Variants in THSD4 observed in about 807,000 individuals in gnomAD.
THSD4 encodes thrombospondin type-1 domain-containing protein 4.
Under a neutral mutation model 119.0 loss-of-function variants are expected in THSD4, and 69 were observed. The observed-to-expected ratio is 0.58, with a 90% CI of 0.48 to 0.71. The LOEUF is 0.71. Ranked by LOEUF, THSD4 falls within the 30% of genes least tolerant of loss-of-function variation. The pLI is 0.00. For missense variants in THSD4, 1,393 were observed against 1,391.1 expected (o/e 1.00, Z -0.02); for synonymous variants, 524 against 540.4 (o/e 0.97, Z 0.42).
rs1441618947 is a variant in THSD4 at position 71,781,234 on chromosome 15, A to G, written c.*3860A>G. 1 of 157,860 alleles carries G rather than the reference A, an allele frequency of 6.3e-6. No homozygotes were observed. Among genetic ancestry groups the G allele is most frequent in the African/African-American group, 2.4e-5 (1 of 41,708 alleles). The allele number at this position is 157,860 out of a possible 1,614,324, so 9.8% of individuals were successfully genotyped here. On this transcript the variant is annotated 3_prime_UTR_variant, in exon 18 of 18. Coordinates refer to ENST00000261862, the MANE Select transcript of THSD4 (RefSeq NM_024817.3). ...CGTGCTGGATCCAAAAAGATCAGGGAGACTAGAATAAAACTTGGATGTTAA... is the reference window on the plus strand; with the variant it reads ...CGTGCTGGATCCAAAAAGATCAGGGGGACTAGAATAAAACTTGGATGTTAA...
At chr15:71,385,174 TA>T (rs574112886) in intron 6 of THSD4, among the ~76,000 whole-genome samples, 148 of 151,528 alleles carry the variant, frequency 9.8e-4, no homozygotes, top group Non-Finnish European at 1.6e-3. Flanking sequence ...CCAATTCAGT[TA>T]AAAAAAAATT....
At chr15:71,594,836 A>T (rs2049877586) in intron 7 of THSD4, among the ~76,000 whole-genome samples, 1 of 152,202 alleles carries the variant, frequency 6.6e-6, no homozygotes, top group Non-Finnish European at 1.5e-5. Context: ...AGTATATTTT[A>T]TGCATGAGGG....
rs775688069 is a variant in THSD4 at position 71,384,861 on chromosome 15, C to G, written c.1016-26826C>G. 3.3e-5 allele frequency among the ~76,000 whole-genome samples: 5 copies of G among 152,282 alleles called. No individual in the cohort carries two copies. The South Asian group carries it at 1.0e-3, about 32-fold the overall frequency. ...AAGAAAGTGGAGTACTCAATTCTTC[C>G]AAAGTTAAGGATCCCATTTTTATGT... On this transcript the variant is annotated intron_variant, in intron 6 of 17. Transcript: ENST00000261862.
intron 6 of THSD4, among the ~76,000 whole-genome samples, chr15:71,325,340 T>A (rs865933524): frequency 2.0e-5 from 3 of 152,184 alleles, no homozygotes; most frequent in African/African-American, 7.2e-5. Context: ...AGCTTTCTCT[T>A]TATTCCTCAG....
chr15:71,353,304 G>A (rs181266691), intron 6 of THSD4, among the ~76,000 whole-genome samples: 26 of 152,290 alleles, frequency 1.7e-4, no homozygotes, highest in Non-Finnish European at 3.1e-4. Flanking sequence ...TGGGCCAAGT[G>A]TAATTGTTTG....
intron 1 of THSD4, among the ~76,000 whole-genome samples, chr15:71,133,727 C>G (rs192233287): frequency 1.2e-4 from 19 of 152,182 alleles, no homozygotes; most frequent in Non-Finnish European, 2.4e-4. Context: ...TATACAGAAG[C>G]AGGAACAAAT....
chr15:71,723,218 C>A (rs1227130590), intron 8 of THSD4, among the ~76,000 whole-genome samples: 1 of 152,118 alleles, frequency 6.6e-6, no homozygotes, highest in Non-Finnish European at 1.5e-5. Context: ...AAGTTTTAGC[C>A]ATGTAATCAA....
intron 7 of THSD4, among the ~76,000 whole-genome samples, chr15:71,479,727 T>G (rs554802518): frequency 5.9e-5 from 9 of 152,010 alleles, no homozygotes; most frequent in Non-Finnish European, 1.3e-4. Flanking sequence ...TAGGAGAAGG[T>G]TTGAAAAAAA....
chr15:71,579,331 G>A (rs544339239), intron 7 of THSD4, among the ~76,000 whole-genome samples: 8 of 152,258 alleles, frequency 5.3e-5, no homozygotes, highest in African/African-American at 1.9e-4. Context: ...GAGCATTACC[G>A]AGAGCCAGAA....
chr15:71,730,318 A>G (rs2052951285), intron 9 of THSD4: 1 of 152,134 alleles, frequency 6.6e-6, no homozygotes, highest in Non-Finnish European at 1.5e-5. Context: ...TACACTGTGG[A>G]TTCTCATTCT....
Position 71,300,847 on chromosome 15 carries a change from A to G in THSD4, c.1015+44132A>G, listed in dbSNP as rs76189201. Among the ~76,000 whole-genome samples the G allele has an allele frequency of 1.4e-3, 216 of 152,324 alleles. 4 individuals carry two copies. The East Asian group carries it at 0.016, about 11-fold the overall frequency. On this transcript the variant is annotated intron_variant, in intron 6 of 17. Transcript: ENST00000261862. The stretch of plus-strand genomic sequence containing the variant: ...CTAATAGAGCATCAAAGTGACTTTG[A>G]TAAACCTCTTCCTGAGGAACCAACT...
At chr15:71,389,943 TA>T (rs1280166121) in intron 6 of THSD4, among the ~76,000 whole-genome samples, 1 of 151,320 alleles carries the variant, frequency 6.6e-6, no homozygotes. Context: ...TAGCTGGGAC[TA>T]CAGGCGCCCA....
In THSD4 at chr15:71,332,891, C is replaced by CTTTTTTTTTTTT. The variant is rs1184457820; in HGVS notation, c.1015+76176_1015+76177insTTTTTTTTTTTT. On this transcript the variant is annotated intron_variant, in intron 6 of 17. Coordinates refer to ENST00000261862, the MANE Select transcript of THSD4 (RefSeq NM_024817.3). ...TTCTTAAAACATTGAGATTTTTTTA[C>CTTTTTTTTTTTT]ATTTTTTTTTTTTTTTTAGTTCATC... 2.0e-3 allele frequency among the ~76,000 whole-genome samples: 76 copies of CTTTTTTTTTTTT among 38,030 alleles called. 8 individuals are homozygous for CTTTTTTTTTTTT. The highest frequency in any genetic ancestry group is 3.2e-3 in the African/African-American group (43 of 13,572). 24.9% of individuals were successfully genotyped at this position (38,030 alleles called of 152,430 possible).
intron 4 of THSD4, among the ~76,000 whole-genome samples, chr15:71,227,753 C>T (rs1029762220): frequency 7.9e-5 from 12 of 152,170 alleles, no homozygotes; most frequent in Admixed American, 2.0e-4. Context: ...ATTGCCACCC[C>T]GAGCCCACAA....
chr15:71,690,996 A>C (rs866101939), intron 8 of THSD4, among the ~76,000 whole-genome samples: 1 of 152,244 alleles, frequency 6.6e-6, no homozygotes, highest in Admixed American at 6.5e-5. Context: ...TGATGGAAAG[A>C]TTACCCTGGA....
At chr15:71,349,174 T>C (rs1183575451) in intron 6 of THSD4, among the ~76,000 whole-genome samples, 2 of 152,202 alleles carry the variant, frequency 1.3e-5, no homozygotes, top group Non-Finnish European at 2.9e-5. Context: ...TCTTAACTTC[T>C]CTGACCTTCA....
At chr15:71,114,052 G>T (rs1375853658), upstream of THSD4, among the ~76,000 whole-genome samples, 1 of 151,974 alleles carries the variant, frequency 6.6e-6, no homozygotes, top group Non-Finnish European at 1.5e-5. Context: ...TACACCAGGT[G>T]CCTCCCATCA....
chr15:71,253,397 A>G (rs2044280687), intron 5 of THSD4, among the ~76,000 whole-genome samples: 1 of 151,734 alleles, frequency 6.6e-6, no homozygotes, highest in Non-Finnish European at 1.5e-5. Context: ...AGGGCTCTAT[A>G]CTTATACATT....
At chr15:71,475,219 G>T (rs908925335) in intron 7 of THSD4, among the ~76,000 whole-genome samples, 25 of 152,294 alleles carry the variant, frequency 1.6e-4, no homozygotes, top group Non-Finnish European at 1.0e-4. Context: ...TTGAAAGCCT[G>T]TCTCATGAAC....
Sources: allele counts gnomAD v4.1 joint callset (sites outside exome capture counted in the v4.1 genomes callset), GRCh38; gene constraint gnomAD v4.1.1; transcripts MANE v1.5; gene names NCBI Gene and HGNC (gene_info 2026-07-23, HGNC 2026-07-21).